Variants in CUL2 observed in about 807,000 individuals in gnomAD.
The protein encoded by CUL2 is cullin-2.
CUL2 carries 22 observed loss-of-function variants against 110.2 expected under a neutral mutation model. That is an observed-to-expected ratio of 0.20 (90% CI 0.14 to 0.28). The LOEUF is 0.28. CUL2 is among the 10% of genes least tolerant of loss of function. The pLI is 1.00. For missense variants in CUL2, 631 were observed against 905.5 expected, an observed-to-expected ratio of 0.70 and a Z score of 3.89; for synonymous variants, 279 against 293.2, an observed-to-expected ratio of 0.95 and a Z score of 0.49.
intron 2 of CUL2, among the ~76,000 whole-genome samples, chr10:35,096,791 G>A (rs1337000845): frequency 1.3e-5 from 2 of 150,416 alleles, no homozygotes; most frequent in Admixed American, 1.3e-4. Context: ...GTAGTAGAAA[G>A]ATGTAGCTTC....
In CUL2 at chr10:35,029,529, C is replaced by T. The variant is rs1238012540; in HGVS notation, c.1498G>A (p.Val500Ile). ...TGAAAACTAATTCCCAAATCTATTA[C>T]TGTGTCTTGGTTTTTGATAAAATTG... ...FNNFIKNQDT[V>I]IDLGISFQIY... Residue 500 changes from valine to isoleucine, a missense_variant, in exon 15 of 21, where the codon GTA becomes ATA. By Grantham distance (29) the Val-to-Ile change is conservative (BLOSUM62 3). Coordinates refer to ENST00000374749, the MANE Select transcript of CUL2 (RefSeq NM_003591.4). 5.1e-6 allele frequency: 8 copies of T among 1,580,806 alleles called. No homozygotes were observed. The highest frequency in any genetic ancestry group is 2.3e-5 in the South Asian group (2 of 85,818).
At chr10:35,027,778 A>G (rs898105065) in intron 16 of CUL2, among the ~76,000 whole-genome samples, 1 of 152,192 alleles carries the variant, frequency 6.6e-6, no homozygotes, top group African/African-American at 2.4e-5. Flanking sequence ...TCTACTGGTA[A>G]TTGGAGACAA....
intron 1 of CUL2, among the ~76,000 whole-genome samples, chr10:35,110,327 G>T (rs2087510170): frequency 6.6e-6 from 1 of 152,138 alleles, no homozygotes; most frequent in South Asian, 2.1e-4. Flanking sequence ...ATTTCGGGAG[G>T]CCAAGGCAGG....
rs974106081 is a variant in CUL2 at position 35,009,396 on chromosome 10, T to C, written c.*915A>G. 2.0e-5 allele frequency: 3 copies of C among 151,876 alleles called. No individual in the cohort carries two copies. The highest frequency in any genetic ancestry group is 1.9e-4 in the East Asian group (1 of 5,190). 9.4% of individuals were successfully genotyped at this position (151,876 alleles called of 1,614,324 possible). The stretch of plus-strand genomic sequence containing the variant: ...AAGGGTAACAGGTAGGGGAGGCATA[T>C]AGAAGGAATATGTTGGTATCATAGA... On this transcript the variant is annotated 3_prime_UTR_variant, in exon 21 of 21. Coordinates refer to ENST00000374749, the MANE Select transcript of CUL2 (RefSeq NM_003591.4).
chr10:35,010,731 T>G (rs1564690621), intron 20 of CUL2, among the ~76,000 whole-genome samples: 1 of 152,222 alleles, frequency 6.6e-6, no homozygotes, highest in Non-Finnish European at 1.5e-5. Context: ...CAAGAAAGTT[T>G]TCCCCAGCAG....
chr10:35,010,823 A>G (rs999445283), intron 20 of CUL2, among the ~76,000 whole-genome samples: 1 of 152,132 alleles, frequency 6.6e-6, no homozygotes, highest in Admixed American at 6.6e-5. Flanking sequence ...TTTTACATTT[A>G]TTTGCATATC....
chr10:35,077,826 AAAAAG>A (rs976910864), intron 1 of CUL2, among the ~76,000 whole-genome samples: 3 of 150,994 alleles, frequency 2.0e-5, no homozygotes, highest in East Asian at 1.9e-4. Flanking sequence ...TCAAAAAAAA[AAAAAG>A]AAAAGAAATA....
chr10:35,046,551 C>G (rs1030140318), intron 6 of CUL2, among the ~76,000 whole-genome samples: 5 of 152,166 alleles, frequency 3.3e-5, no homozygotes, highest in African/African-American at 1.2e-4. Context: ...GTTTAAAAAG[C>G]TAACTGGTCA....
intron 10 of CUL2, among the ~76,000 whole-genome samples, chr10:35,034,270 A>G (rs557600737): frequency 6.6e-6 from 1 of 152,352 alleles, no homozygotes; most frequent in Admixed American, 6.5e-5. Context: ...AATGTAAACT[A>G]GTAAGTTTGA....
At chr10:35,107,063 C>T (rs915706637) in intron 1 of CUL2, among the ~76,000 whole-genome samples, 29 of 152,206 alleles carry the variant, frequency 1.9e-4, no homozygotes, top group Middle Eastern at 3.4e-3. Flanking sequence ...CAAGCTCCAC[C>T]TCCCGGGTTC....
In CUL2 at chr10:35,016,264, C is replaced by A; in HGVS notation, c.1815G>T (p.Met605Ile). The A allele has an allele frequency of 6.2e-7, 1 of 1,614,008 alleles. No individual in the cohort carries two copies. Among genetic ancestry groups the A allele is most frequent in the South Asian group, 1.1e-5 (1 of 91,068 alleles). Residue 605 changes from methionine to isoleucine, a missense_variant, in exon 18 of 21, where the codon ATG (methionine) becomes ATT (isoleucine). Met to Ile is a conservative substitution (Grantham distance 10). This residue lies in a region of CUL2 where 159 missense variants were observed against 202.7 expected (regional missense o/e 0.78). Transcript: ENST00000374749. ...TTGTTTTTGTCAGTTCCTTTTCATT[C>A]ATCTGAGTGCTGTCCTGAAGCTCTT... ...SYKELQDSTQ[M>I]NEKELTKTIK... is the part of the protein sequence containing the mutation.
intron 2 of CUL2, among the ~76,000 whole-genome samples, chr10:35,095,710 C>G (rs2087287516): frequency 2.0e-5 from 3 of 152,060 alleles, no homozygotes; most frequent in African/African-American, 7.2e-5. Flanking sequence ...AGGCACATGC[C>G]AATACACCCA....
intron 12 of CUL2, 132 bp downstream of exon 12, chr10:35,032,303 A>C: frequency 1.4e-6 from 1 of 727,552 alleles, no homozygotes. Flanking sequence ...GCCAAACTAT[A>C]TACAATGTAG....
At chr10:35,055,462 G>A (rs1043055159) in intron 4 of CUL2, among the ~76,000 whole-genome samples, 4 of 152,298 alleles carry the variant, frequency 2.6e-5, no homozygotes, top group African/African-American at 7.2e-5. Context: ...GCCAGGCGTC[G>A]GGGCTCACGC....
rs536820408 is a variant in CUL2 at position 35,036,649 on chromosome 10, T to C, written c.878-1353A>G. On this transcript the variant is annotated intron_variant, in intron 9 of 20. Transcript: ENST00000374749. The stretch of plus-strand genomic sequence containing the variant: ...TGGGTATCTTCTATTCTGCAGTGCC[T>C]GTTTTTTGAGCATTTTATATTTTGG... 3.3e-5 allele frequency among the ~76,000 whole-genome samples: 5 copies of C among 152,374 alleles called. No individual in the cohort carries two copies. The East Asian group carries it at 9.6e-4, about 29-fold the overall frequency.
rs145140514 is a variant in CUL2 at position 35,111,735 on chromosome 10, A to C, written c.-50-10675T>G. On this transcript the variant is annotated intron_variant, in intron 1 of 5. Coordinates refer to the CUL2 transcript ENST00000685421. ...AAAACTGGTCTCTACTAAAAGTGAA[A>C]AAATTAGCTGGGCGTGGTGTGGCAT... Among the ~76,000 whole-genome samples, 236 of 152,294 alleles carry C rather than the reference A, an allele frequency of 1.5e-3. 1 individual carries two copies. Among genetic ancestry groups the C allele is most frequent in the African/African-American group, 5.2e-3 (216 of 41,576 alleles).
At chr10:35,107,154 T>C (rs1156997858) in intron 1 of CUL2, among the ~76,000 whole-genome samples, 3 of 151,882 alleles carry the variant, frequency 2.0e-5, no homozygotes, top group African/African-American at 7.3e-5. Context: ...TTTTGTATTT[T>C]CAGTAGAGAC....
chr10:35,065,142 A>G (rs551258175), intron 2 of CUL2, among the ~76,000 whole-genome samples: 1 of 152,296 alleles, frequency 6.6e-6, no homozygotes, highest in South Asian at 2.1e-4. Context: ...CAAATATCCA[A>G]CCAACCAGGA....
rs2085025338 is a variant in CUL2 at position 35,016,094 on chromosome 10, C to T, written c.1887+98G>A. ...TAGTGAATACAAGTGCTTTCCAGAG[C>T]ACAATAACAATTACAGCCTTATTTT... On this transcript the variant is annotated intron_variant, in intron 18 of 20. Transcript: ENST00000374749. 18 of 992,116 alleles carry T rather than the reference C, an allele frequency of 1.8e-5. No individual in the cohort carries two copies. The South Asian group carries it at 2.9e-4, about 16-fold the overall frequency. 61.5% of individuals were successfully genotyped at this position (992,116 alleles called of 1,614,324 possible).
Sources: allele counts gnomAD v4.1 joint callset (sites outside exome capture counted in the v4.1 genomes callset), GRCh38; gene constraint gnomAD v4.1.1; regional missense constraint gnomAD v4.1.1; transcripts MANE v1.5; gene names NCBI Gene and HGNC (gene_info 2026-07-23, HGNC 2026-07-21).